GRM7: variants seen among roughly 807,000 people sequenced by gnomAD.
GRM7 encodes the protein metabotropic glutamate receptor 7.
Under a neutral mutation model 84.5 loss-of-function variants are expected in GRM7, and 35 were observed. The ratio of observed to expected loss-of-function variants is 0.41; its 90% CI spans 0.32 to 0.55. The LOEUF is 0.55. Ranked by LOEUF, GRM7 falls within the 20% of genes least tolerant of loss-of-function variation. The probability of loss-of-function intolerance (pLI) is 0.19; values close to 1 mark genes in which losing one functional copy is unlikely to be tolerated. For missense variants in GRM7, 1,003 were observed against 1,194.6 expected (o/e 0.84, Z 2.36); for synonymous variants, 487 against 455.1 (o/e 1.07, Z -0.89).
intron 5 of GRM7, among the ~76,000 whole-genome samples, chr3:7,432,728 C>T (rs574708249): frequency 2.0e-5 from 3 of 151,490 alleles, no homozygotes; most frequent in East Asian, 1.9e-4. Context: ...TTCTATCAAA[C>T]GAAGGCTATC....
intron 2 of GRM7, among the ~76,000 whole-genome samples, chr3:7,174,697 G>T (rs1490294927): frequency 6.6e-6 from 1 of 152,194 alleles, no homozygotes; most frequent in Admixed American, 6.5e-5. Flanking sequence ...AGAGGAGATA[G>T]GGAAGTGCTA....
At chr3:7,062,860 T>G (rs1162442115) in intron 1 of GRM7, among the ~76,000 whole-genome samples, 1 of 151,756 alleles carries the variant, frequency 6.6e-6, no homozygotes, top group Admixed American at 6.6e-5. Context: ...TGCCTGTTCA[T>G]AGTAGAATAG....
chr3:7,202,706 AC>A (rs1696105288), intron 2 of GRM7, among the ~76,000 whole-genome samples: 1 of 152,168 alleles, frequency 6.6e-6, no homozygotes, highest in Admixed American at 6.5e-5. Context: ...TTTATTTTGA[AC>A]TTTATTGAAG....
intron 1 of GRM7, among the ~76,000 whole-genome samples, chr3:7,003,486 G>A (rs1695081299): frequency 1.3e-5 from 2 of 152,118 alleles, no homozygotes; most frequent in South Asian, 4.1e-4. Context: ...TAACATATTT[G>A]GATGGTCCTC....
intron 1 of GRM7, among the ~76,000 whole-genome samples, chr3:6,917,696 A>G (rs1696990266): frequency 6.6e-6 from 1 of 152,132 alleles, no homozygotes; most frequent in Non-Finnish European, 1.5e-5. Flanking sequence ...CTGTGAGTAA[A>G]TAATGTTCTT....
At chr3:6,879,194 A>T (rs1411945961) in intron 1 of GRM7, among the ~76,000 whole-genome samples, 1 of 152,234 alleles carries the variant, frequency 6.6e-6, no homozygotes, top group African/African-American at 2.4e-5. Flanking sequence ...TAATTTACCC[A>T]AGTCATACAA....
At chr3:6,992,983 G>A (rs1694699186) in intron 1 of GRM7, among the ~76,000 whole-genome samples, 1 of 152,192 alleles carries the variant, frequency 6.6e-6, no homozygotes. Context: ...TGTTAATAAA[G>A]ACATAACCAA....
chr3:6,986,096 G>A (rs993890388), intron 1 of GRM7, among the ~76,000 whole-genome samples: 5 of 152,138 alleles, frequency 3.3e-5, no homozygotes, highest in African/African-American at 1.2e-4. Flanking sequence ...GGACAAATAC[G>A]TTCTAGAGAT....
intron 1 of GRM7, among the ~76,000 whole-genome samples, chr3:7,020,555 G>A (rs1419202822): frequency 6.6e-6 from 1 of 152,152 alleles, no homozygotes; most frequent in African/African-American, 2.4e-5. Flanking sequence ...TAATGTTTGA[G>A]AATCTGGGAG....
chr3:7,139,040 T>A lies in GRM7; in HGVS notation c.520-7412T>A, dbSNP rs561060313. Among the ~76,000 whole-genome samples, 33 of 147,866 alleles carry A rather than the reference T, an allele frequency of 2.2e-4. No homozygotes were observed. In the South Asian group the frequency reaches 6.3e-3, roughly 28 times the overall value. ...TCTATATTACTATATATAGTATATA[T>A]CCTACTTTATAATATATAGTACATT... On this transcript the variant is annotated intron_variant, in intron 1 of 9. Transcript: ENST00000357716.
intron 1 of GRM7, among the ~76,000 whole-genome samples, chr3:7,065,998 C>A (rs148628748): frequency 2.0e-5 from 3 of 151,638 alleles, no homozygotes; most frequent in East Asian, 1.9e-4. Flanking sequence ...ATGATACAAC[C>A]TATCAAAACC....
chr3:7,149,149 C>A (rs1420757446), intron 2 of GRM7, among the ~76,000 whole-genome samples: 2 of 152,022 alleles, frequency 1.3e-5, no homozygotes, highest in African/African-American at 2.4e-5. Flanking sequence ...GTTGCATGAA[C>A]TTATGTGATT....
At chr3:7,625,147 C>T (rs1190414297) in intron 8 of GRM7, among the ~76,000 whole-genome samples, 3 of 152,076 alleles carry the variant, frequency 2.0e-5, no homozygotes, top group Non-Finnish European at 4.4e-5. Flanking sequence ...CCCCTTAGAT[C>T]GCTGGTAATG....
chr3:7,449,722 T>G (rs940678536), intron 5 of GRM7, among the ~76,000 whole-genome samples: 12 of 152,082 alleles, frequency 7.9e-5, no homozygotes, highest in African/African-American at 2.9e-4. Flanking sequence ...CAAGAGAAGG[T>G]AAACTGTCAT....
chr3:7,621,663 G>GT (rs1398406482), intron 8 of GRM7, among the ~76,000 whole-genome samples: 6 of 152,038 alleles, frequency 3.9e-5, no homozygotes, highest in African/African-American at 9.7e-5. Context: ...AAAGGGACAT[G>GT]TTTTTTTGTT....
intron 7 of GRM7, among the ~76,000 whole-genome samples, chr3:7,565,439 G>A (rs1314853547): frequency 6.6e-6 from 1 of 152,276 alleles, no homozygotes; most frequent in East Asian, 1.9e-4. Flanking sequence ...GCTGTGAAGA[G>A]GTATCTTTAT....
In GRM7 at chr3:7,197,399, C is replaced by A. The variant is rs75889517; in HGVS notation, c.736+50731C>A. 5.3e-3 allele frequency among the ~76,000 whole-genome samples: 804 copies of A among 152,248 alleles called. 2 individuals are homozygous for A. Among genetic ancestry groups the A allele is most frequent in the Middle Eastern group, 0.02 (6 of 294 alleles). On this transcript the variant is annotated intron_variant, in intron 2 of 9. Transcript: ENST00000357716. Reference sequence around the variant, plus strand: ...TTTCATGTTCAAAATAATTCCAATTCTCTCAATGTTACTTCTTTCAGACCT... The same window carrying A: ...TTTCATGTTCAAAATAATTCCAATTATCTCAATGTTACTTCTTTCAGACCT...
chr3:7,389,272 T>C (rs1031536007), intron 4 of GRM7, among the ~76,000 whole-genome samples: 22 of 152,148 alleles, frequency 1.4e-4, no homozygotes, highest in African/African-American at 3.1e-4. Context: ...TTTGAACTTA[T>C]TGAGAATTGC....
intron 1 of GRM7, among the ~76,000 whole-genome samples, chr3:7,107,278 G>A (rs1023213796): frequency 3.3e-4 from 50 of 151,992 alleles, no homozygotes; most frequent in African/African-American, 1.1e-3. Context: ...CAGTTAGATA[G>A]GTGTCTGATG....
Sources: gnomAD v4.1 joint callset for allele counts (sites outside exome capture counted in the v4.1 genomes callset) on GRCh38, gnomAD v4.1.1 for gene constraint, MANE v1.5 for transcripts, NCBI Gene and HGNC (gene_info 2026-07-23, HGNC 2026-07-21) for gene names.